Variants in ICE2 observed in about 807,000 individuals in gnomAD.
The protein encoded by ICE2 is little elongation complex subunit 2.
ICE2 carries 87 observed loss-of-function variants against 105.4 expected under a neutral mutation model. That is an observed-to-expected ratio of 0.83 (90% confidence interval 0.69 to 0.99). ICE2 has a LOEUF of 0.99. Ranked by LOEUF, ICE2 falls within the 50% of genes least tolerant of loss-of-function variation. ICE2 has a pLI of 0.00. For missense variants in ICE2, 1,323 were observed against 1,146.7 expected (o/e 1.15, Z -2.22); for synonymous variants, 399 against 392.0 (o/e 1.02, Z -0.21).
intron 11 of ICE2, chr15:60,445,828 G>C (rs1263324258): frequency 1.0e-6 from 1 of 965,798 alleles, no homozygotes; most frequent in African/African-American, 1.8e-5. Flanking sequence ...GGTTCACAGA[G>C]TAGGAAGTTA....
chr15:60,436,112 T>C, intron 13 of ICE2, 31 bp downstream of exon 13: 1 of 911,694 alleles, frequency 1.1e-6, no homozygotes, highest in South Asian at 1.8e-5. Flanking sequence ...AACAAATTTT[T>C]CAATTCTCAC....
At chr15:60,448,573 C>T (rs1354624281) in intron 10 of ICE2, among the ~76,000 whole-genome samples, 3 of 152,104 alleles carry the variant, frequency 2.0e-5, no homozygotes, top group Non-Finnish European at 2.9e-5. Context: ...ATGCACTTAC[C>T]CTTCACCAAT....
At chr15:60,442,314 C>G (rs1292337506) in intron 12 of ICE2, 102 bp downstream of exon 12, 32 of 1,099,472 alleles carry the variant, frequency 2.9e-5, no homozygotes, top group Non-Finnish European at 4.2e-5. Context: ...TAAATAAAAA[C>G]GAAAGTAAAA....
chr15:60,452,785 C>T (rs1595784208), intron 9 of ICE2: 2 of 826,158 alleles, frequency 2.4e-6, no homozygotes, highest in Non-Finnish European at 2.9e-6. Context: ...TATCATGATG[C>T]CCATTTTACA....
At position 60,476,052 on chromosome 15, in the gene ICE2, A is replaced by G. The variant is rs1205049323; in HGVS notation, c.146+11T>C. 1 of 1,519,976 alleles carries G rather than the reference A, an allele frequency of 6.6e-7. No individual in the cohort carries two copies. The highest frequency in any genetic ancestry group is 8.9e-7 in the Non-Finnish European group (1 of 1,119,572). The allele number at this position is 1,519,976 out of a possible 1,614,324, so 94.2% of individuals were successfully genotyped here. A position where few individuals can be genotyped will look rare whatever the true frequency, so the allele number is the denominator to read the frequency against. On this transcript the variant is annotated intron_variant, in intron 3 of 15. Transcript: ENST00000261520. The stretch of plus-strand genomic sequence containing the variant: ...CAAATATGGAAATAAATAACCAAAT[A>G]AACATATTACCTGTTGGATAAAACA...
chr15:60,458,748 C>T (rs906890295), intron 5 of ICE2, among the ~76,000 whole-genome samples: 5 of 152,116 alleles, frequency 3.3e-5, no homozygotes, highest in Admixed American at 3.3e-4. Flanking sequence ...CACAAACACA[C>T]ACACACACAA....
Position 60,423,714 on chromosome 15 carries a change from T to C in ICE2, c.2869A>G (p.Met957Val), listed in dbSNP as rs536157742. The C allele has an allele frequency of 3.4e-5, 55 of 1,603,316 alleles. No individual in the cohort carries two copies. In the South Asian group the frequency reaches 5.6e-4, roughly 16 times the overall value. The part of the protein sequence containing the change: ...PTRSHRNPVS[M>V]ETKSSCLPAQ... ...GGCAAGCAACTGCTTTTGGTTTCCA[T>C]GGAAACTGGATTCCTGTGGCTGCGT... The change falls in exon 16 of 16, where the codon ATG becomes GTG. Residue 957 changes from methionine to valine, a missense_variant. By Grantham distance (21) the Met-to-Val change is conservative. Coordinates refer to ENST00000261520, the MANE Select transcript of ICE2 (RefSeq NM_024611.6).
At chr15:60,432,657 C>G (rs1402324324) in intron 13 of ICE2, among the ~76,000 whole-genome samples, 2 of 151,786 alleles carry the variant, frequency 1.3e-5, no homozygotes, top group Non-Finnish European at 2.9e-5. Flanking sequence ...CTCTGGGAGG[C>G]CAAGACGGGC....
In ICE2 at chr15:60,449,740, G is replaced by A; in HGVS notation, c.1227C>T (p.Thr409=). The A allele has an allele frequency of 6.2e-7, 1 of 1,613,966 alleles. No homozygotes were observed. Among genetic ancestry groups the A allele is most frequent in the East Asian group, 2.2e-5 (1 of 44,882 alleles). The change falls in exon 10 of 16, where the codon ACC becomes ACT. Residue 409 remains threonine (T), a synonymous_variant. Transcript: ENST00000261520. Reference sequence around the variant, plus strand: ...TTGGTGATTTTGATACTTTGGTGGTGGTTACTCCAAAAGTTTCAAGTTCTG... The same window carrying A: ...TTGGTGATTTTGATACTTTGGTGGTAGTTACTCCAAAAGTTTCAAGTTCTG... ...DVTELETFGV[T]TTKVSKSPSP...
At position 60,448,906 on chromosome 15, in the gene ICE2, T is replaced by C. The variant is rs1405003017; in HGVS notation, c.2061A>G (p.Ser687=). The C allele has an allele frequency of 3.1e-6, 5 of 1,613,414 alleles. No individual in the cohort carries two copies. The highest frequency in any genetic ancestry group is 3.3e-5 in the Admixed American group (2 of 59,922). ...PSVSEQLSGP[S]DSSSWPKSGW... ...CAGATTTCGGCCAACTAGAGGAGTCTGAAGGACCAGACAATTGCTCAGAAA... is the reference window on the plus strand; with the variant it reads ...CAGATTTCGGCCAACTAGAGGAGTCCGAAGGACCAGACAATTGCTCAGAAA... Residue 687 remains serine (S), a synonymous_variant, in exon 10 of 16, where the codon TCA becomes TCG. Transcript: ENST00000261520.
intron 15 of ICE2, among the ~76,000 whole-genome samples, chr15:60,424,298 A>C (rs952443747): frequency 2.6e-5 from 4 of 152,090 alleles, no homozygotes; most frequent in African/African-American, 9.7e-5. Flanking sequence ...AAAAACAGTA[A>C]AAGTGTAAGG....
Position 60,456,781 on chromosome 15 carries a change from G to C in ICE2, c.542C>G (p.Ala181Gly), listed in dbSNP as rs562608195. ...ARLFTEKILR[A>G]CIEQVKKYSE... ...ATACTTTTTCACTTGTTCAATGCAA[G>C]CTCTTAAAATTTTCTGAGAAACAGA... The change falls in exon 6 of 16, where the codon GCT (alanine) becomes GGT (glycine). Residue 181 changes from alanine to glycine, a missense_variant. Physicochemically the swap from Ala to Gly is moderately conservative, Grantham distance 60. Transcript: ENST00000261520. 1.3e-6 allele frequency: 2 copies of C among 1,492,102 alleles called. No individual in the cohort carries two copies. The highest frequency in any genetic ancestry group is 1.4e-5 in the African/African-American group (1 of 69,344). 92.4% of individuals were successfully genotyped at this position (1,492,102 alleles called of 1,614,324 possible).
rs570693105 is a variant in ICE2, at chr15:60,464,061, T to A, written c.528+2533A>T. ...CTTTCGTTCTATATACTTTTCCATA[T>A]GTACGTGACATTGTACAACATAAAA... On this transcript the variant is annotated intron_variant, in intron 5 of 15. Transcript: ENST00000261520. 3.9e-5 allele frequency among the ~76,000 whole-genome samples: 6 copies of A among 152,368 alleles called. No individual in the cohort carries two copies. The South Asian group carries it at 1.2e-3, about 32-fold the overall frequency.
intron 5 of ICE2, among the ~76,000 whole-genome samples, chr15:60,459,301 C>T (rs1043051702): frequency 1.3e-5 from 2 of 152,070 alleles, no homozygotes; most frequent in African/African-American, 4.8e-5. Flanking sequence ...GACAGAAGCC[C>T]TAAAAGAAAT....
intron 14 of ICE2, among the ~76,000 whole-genome samples, chr15:60,430,284 G>A (rs183692204): frequency 3.2e-4 from 48 of 152,262 alleles, no homozygotes; most frequent in African/African-American, 1.1e-3. Flanking sequence ...ACAAGCCAAG[G>A]GATGCAGGTG....
chr15:60,468,173 C>T lies in ICE2; in HGVS notation c.296G>A (p.Arg99His), dbSNP rs1273275608. Residue 99 changes from arginine to histidine, a missense_variant, in exon 4 of 16, where the codon CGT (arginine) becomes CAT (histidine). Physicochemically the swap from Arg to His is conservative, Grantham distance 29. Transcript: ENST00000261520. ...ACTCCTCTGCTCTCTCTGTGAGAAA[C>T]GAGAGAAACGAGGATAAGGAACTCT... ...KPRVPYPRFSRFSQREQRSYV... is the reference protein window; with the variant it reads ...KPRVPYPRFSHFSQREQRSYV... 6 of 1,613,994 alleles carry T rather than the reference C, an allele frequency of 3.7e-6. No individual in the cohort carries two copies. Among genetic ancestry groups the T allele is most frequent in the Middle Eastern group, 3.3e-4 (2 of 6,058 alleles).
In ICE2 at chr15:60,476,055, C is replaced by A. The variant is rs776241532; in HGVS notation, c.146+8G>T. ...ATATGGAAATAAATAACCAAATAAA[C>A]ATATTACCTGTTGGATAAAACACGT... On this transcript the variant is annotated splice_region_variant and intron_variant, in intron 3 of 15. Transcript: ENST00000261520. The A allele has an allele frequency of 2.0e-5, 30 of 1,536,580 alleles. No homozygotes were observed. Among genetic ancestry groups the A allele is most frequent in the Non-Finnish European group, 2.6e-5 (29 of 1,129,548 alleles).
intron 12 of ICE2, chr15:60,441,899 A>G (rs2063728079): frequency 6.6e-6 from 1 of 152,234 alleles, no homozygotes; most frequent in African/African-American, 2.4e-5. Context: ...TTATAAGAAA[A>G]TTTCAAAATA....
chr15:60,457,612 G>A (rs1270898882), intron 5 of ICE2, among the ~76,000 whole-genome samples: 1 of 152,066 alleles, frequency 6.6e-6, no homozygotes, highest in Non-Finnish European at 1.5e-5. Flanking sequence ...TGTAAAATGT[G>A]TCACGTTACA....
Sources: gnomAD v4.1 joint callset for allele counts (sites outside exome capture counted in the v4.1 genomes callset) on GRCh38, gnomAD v4.1.1 for gene constraint, MANE v1.5 for transcripts, NCBI Gene and HGNC (gene_info 2026-07-23, HGNC 2026-07-21) for gene names.